The following SEC22A variants were observed in gnomAD, a reference collection of about 807,000 sequenced individuals.
SEC22A encodes the protein vesicle-trafficking protein SEC22a.
A neutral mutation model predicts 35.3 loss-of-function variants in SEC22A; 22 were observed. The observed-to-expected ratio is 0.62, with a 90% CI of 0.45 to 0.89. The LOEUF is 0.89. SEC22A is among the 40% of genes least tolerant of loss of function. SEC22A has a pLI of 0.00. For synonymous variants in SEC22A, 119 were observed against 129.5 expected (o/e 0.92, Z 0.55); for missense variants, 354 against 362.5 (o/e 0.98, Z 0.19).
chr3:123,245,332 AT>A (rs1937557532), intron 4 of SEC22A, among the ~76,000 whole-genome samples: 1 of 152,202 alleles, frequency 6.6e-6, no homozygotes, highest in South Asian at 2.1e-4. Context: ...TTTCTAAATG[AT>A]TTACTGCCGG....
chr3:123,214,219 AAAAAT>A (rs1395500968), intron 2 of SEC22A, among the ~76,000 whole-genome samples: 1 of 152,150 alleles, frequency 6.6e-6, no homozygotes, highest in African/African-American at 2.4e-5. Flanking sequence ...AATAAAATTT[AAAAAT>A]AAAATAAAAT....
chr3:123,218,221 T>G (rs771237911), intron 2 of SEC22A, among the ~76,000 whole-genome samples: 1 of 152,174 alleles, frequency 6.6e-6, no homozygotes, highest in Non-Finnish European at 1.5e-5. Flanking sequence ...TAGGTTATAC[T>G]TGACCCTAAA....
At chr3:123,269,215 G>GTGTATATA (rs10642998) in intron 6 of SEC22A, among the ~76,000 whole-genome samples, 43 of 136,884 alleles carry the variant, frequency 3.1e-4, no homozygotes, top group Admixed American at 1.7e-3. Context: ...GTGTGTGTGT[G>GTGTATATA]TATATATTAC....
chr3:123,207,872 G>A (rs2108025641), intron 1 of SEC22A, among the ~76,000 whole-genome samples: 1 of 152,236 alleles, frequency 6.6e-6, no homozygotes, highest in Middle Eastern at 3.4e-3. Flanking sequence ...CTGGTAAAAA[G>A]ATTGAGAACA....
chr3:123,214,378 TCGTAGTAG>T (rs1202856809), intron 2 of SEC22A, among the ~76,000 whole-genome samples: 1 of 152,208 alleles, frequency 6.6e-6, no homozygotes, highest in Non-Finnish European at 1.5e-5. Context: ...CTTGTGCATG[TCGTAGTAG>T]CTACTAAATG....
intron 2 of SEC22A, among the ~76,000 whole-genome samples, chr3:123,216,043 AT>A (rs1200596511): frequency 1.3e-5 from 2 of 152,176 alleles, no homozygotes; most frequent in Non-Finnish European, 2.9e-5. Context: ...CAATTTTCCT[AT>A]TTTGTCTCAT....
Position 123,259,551 on chromosome 3 carries a change from A to G in SEC22A, c.685A>G (p.Ile229Val), listed in dbSNP as rs1484624774. ...TGATGGTGATGATTTTAATTACATCATTGCATTTTTCCTTGGAACAGCAGC... is the reference window on the plus strand; with the variant it reads ...TGATGGTGATGATTTTAATTACATCGTTGCATTTTTCCTTGGAACAGCAGC... ...QSDGDDFNYI[I>V]AFFLGTAACL... Residue 229 changes from isoleucine (I) to valine (V), a missense_variant, in exon 6 of 7, where the codon ATT (isoleucine) becomes GTT (valine). Ile to Val is a conservative substitution (Grantham distance 29). Coordinates refer to ENST00000492595, the MANE Select transcript of SEC22A (RefSeq NM_012430.5). 2.1e-5 allele frequency: 34 copies of G among 1,613,208 alleles called. No homozygotes were observed. The highest frequency in any genetic ancestry group is 2.8e-5 in the Non-Finnish European group (33 of 1,179,538).
At chr3:123,202,544 CAA>C (rs916414618) in intron 1 of SEC22A, among the ~76,000 whole-genome samples, 13 of 152,060 alleles carry the variant, frequency 8.5e-5, no homozygotes, top group African/African-American at 2.9e-4. Context: ...GACCCTGTCT[CAA>C]GAGTCACTTT....
intron 5 of SEC22A, among the ~76,000 whole-genome samples, chr3:123,255,230 A>G (rs1362906077): frequency 6.6e-6 from 1 of 152,210 alleles, no homozygotes; most frequent in Non-Finnish European, 1.5e-5. Flanking sequence ...CTTCATGACA[A>G]ATCTCTCATC....
chr3:123,209,318 G>A lies in SEC22A; in HGVS notation c.101G>A (p.Arg34Lys). 6.2e-7 allele frequency: 1 copy of A among 1,614,088 alleles called. No homozygotes were observed. Among genetic ancestry groups the A allele is most frequent in the South Asian group, 1.1e-5 (1 of 91,078 alleles). ...CAAAGCACAGGAATGCAGGAGTGCAGAAAGTATTTTAAAATGCTTTCGAGG... is the reference window on the plus strand; with the variant it reads ...CAAAGCACAGGAATGCAGGAGTGCAAAAAGTATTTTAAAATGCTTTCGAGG... Reference protein sequence around the residue: ...YEQSTGMQECRKYFKMLSRKL... With the variant: ...YEQSTGMQECKKYFKMLSRKL... Residue 34 changes from arginine (R) to lysine (K), a missense_variant, in exon 2 of 7, where the codon AGA becomes AAA. Arg to Lys is a conservative substitution (Grantham distance 26, BLOSUM62 2). Coordinates refer to ENST00000492595, the MANE Select transcript of SEC22A (RefSeq NM_012430.5).
At position 123,255,921 on chromosome 3, in the gene SEC22A, T is replaced by TC. The variant is rs1937720412; in HGVS notation, c.658-3602dup. On this transcript the variant is annotated intron_variant, in intron 5 of 6. Transcript: ENST00000492595. ...CTACCTACCATTTTACTTTCTTCTTTCTTTTTTTTTTTTTACTGAGTCATT... is the reference window on the plus strand; with the variant it reads ...CTACCTACCATTTTACTTTCTTCTTTCCTTTTTTTTTTTTTACTGAGTCATT... 3.5e-5 allele frequency among the ~76,000 whole-genome samples: 5 copies of TC among 143,126 alleles called. No individual in the cohort carries two copies. The South Asian group carries it at 8.9e-4, about 26-fold the overall frequency. 93.9% of individuals were successfully genotyped at this position (143,126 alleles called of 152,430 possible).
At chr3:123,261,365 A>G (rs1937891896) in intron 6 of SEC22A, among the ~76,000 whole-genome samples, 1 of 152,214 alleles carries the variant, frequency 6.6e-6, no homozygotes, top group Non-Finnish European at 1.5e-5. Context: ...GAGAAAACGG[A>G]GACAGTTTCA....
intron 2 of SEC22A, among the ~76,000 whole-genome samples, chr3:123,217,416 T>C (rs1429201309): frequency 6.6e-6 from 1 of 151,928 alleles, no homozygotes. Flanking sequence ...GGTTTCACCG[T>C]GTTAGCCAGG....
chr3:123,252,804 C>A (rs981814931), intron 5 of SEC22A, among the ~76,000 whole-genome samples: 3 of 152,168 alleles, frequency 2.0e-5, no homozygotes, highest in African/African-American at 7.2e-5. Flanking sequence ...AAATACGTAG[C>A]ACTGAAGTTT....
chr3:123,217,349 C>G (rs1261953501), intron 2 of SEC22A, among the ~76,000 whole-genome samples: 2 of 152,000 alleles, frequency 1.3e-5, no homozygotes, highest in East Asian at 1.9e-4. Context: ...AGGTGCCCGC[C>G]ACCACACCCG....
At chr3:123,235,568 A>G (rs577683785) in intron 4 of SEC22A, among the ~76,000 whole-genome samples, 1 of 152,336 alleles carries the variant, frequency 6.6e-6, no homozygotes, top group East Asian at 1.9e-4. Flanking sequence ...TGGAATCTCC[A>G]TACTTTGCCA....
At chr3:123,222,984 C>T (rs1937155817) in intron 2 of SEC22A, among the ~76,000 whole-genome samples, 1 of 152,210 alleles carries the variant, frequency 6.6e-6, no homozygotes, top group Admixed American at 6.5e-5. Flanking sequence ...TGCTTTAAGC[C>T]ATAGCCCTCA....
intron 3 of SEC22A, among the ~76,000 whole-genome samples, chr3:123,223,925 G>A (rs945093393): frequency 5.3e-5 from 8 of 152,144 alleles, no homozygotes; most frequent in African/African-American, 1.9e-4. Flanking sequence ...GGGATTGTGA[G>A]TATTGGTCCG....
chr3:123,208,285 A>G (rs1347344114), intron 1 of SEC22A: 1 of 152,184 alleles, frequency 6.6e-6, no homozygotes, highest in Non-Finnish European at 1.5e-5. Context: ...TTTATAGGAT[A>G]TTTAGATTGC....
Sources: gnomAD v4.1 joint callset for allele counts (sites outside exome capture counted in the v4.1 genomes callset) on GRCh38, gnomAD v4.1.1 for gene constraint, MANE v1.5 for transcripts, NCBI Gene and HGNC (gene_info 2026-07-23, HGNC 2026-07-21) for gene names.